TMEM38B: variants seen among roughly 807,000 people sequenced by gnomAD.
The protein encoded by TMEM38B is trimeric intracellular cation channel type B.
Under a neutral mutation model 28.7 loss-of-function variants are expected in TMEM38B, and 24 were observed. The ratio of observed to expected loss-of-function variants is 0.84; its 90% CI spans 0.61 to 1.18. The LOEUF is 1.18. Ranked by LOEUF, TMEM38B falls within the 50% of genes most tolerant of loss-of-function variation. The probability of loss-of-function intolerance (pLI) is 0.00; values close to 1 mark genes in which losing one functional copy is unlikely to be tolerated. For synonymous variants in TMEM38B, 131 were observed against 127.7 expected (o/e 1.03, Z -0.17); for missense variants, 380 against 350.9 (o/e 1.08, Z -0.66).
In TMEM38B at chr9:105,715,525, T is replaced by C. The variant is rs188045355; in HGVS notation, c.270-6012T>C. Among the ~76,000 whole-genome samples, 32 of 152,182 alleles carry C rather than the reference T, an allele frequency of 2.1e-4. No homozygotes were observed. The East Asian group carries it at 5.6e-3, about 27-fold the overall frequency. ...ATTGGTTAAGAACTCTTATTATTGG[T>C]ATATTGGCTCTTCTTTGCCTTTCTT... On this transcript the variant is annotated intron_variant, in intron 2 of 5. Transcript: ENST00000374692.
intron 4 of TMEM38B, among the ~76,000 whole-genome samples, chr9:105,731,358 A>G (rs1836739846): frequency 6.6e-6 from 1 of 151,950 alleles, no homozygotes; most frequent in Non-Finnish European, 1.5e-5. Flanking sequence ...CACAAAGTGC[A>G]GGTTTGTTAC....
chr9:105,735,875 A>T (rs1836954246), intron 4 of TMEM38B, among the ~76,000 whole-genome samples: 1 of 151,972 alleles, frequency 6.6e-6, no homozygotes, highest in Admixed American at 6.6e-5. Context: ...TATTAAAAAA[A>T]ATTTTTTTAG....
intron 2 of TMEM38B, among the ~76,000 whole-genome samples, chr9:105,709,488 A>G (rs1041446416): frequency 6.6e-6 from 1 of 152,206 alleles, no homozygotes; most frequent in African/African-American, 2.4e-5. Context: ...AAACAAGACA[A>G]TTAGGCCATA....
chr9:105,711,890 T>G (rs1157701651), intron 2 of TMEM38B, among the ~76,000 whole-genome samples: 2 of 152,058 alleles, frequency 1.3e-5, no homozygotes, highest in African/African-American at 4.8e-5. Flanking sequence ...AGAAGTCCTT[T>G]TTGTGTGTCC....
intron 3 of TMEM38B, among the ~76,000 whole-genome samples, 195 bp downstream of exon 3, chr9:105,721,916 C>A (rs1836334481): frequency 6.6e-6 from 1 of 152,040 alleles, no homozygotes; most frequent in South Asian, 2.1e-4. Context: ...TTATTTTGAG[C>A]CTGAGTGTCT....
chr9:105,760,538 C>T, intron 5 of TMEM38B: 1 of 744,434 alleles, frequency 1.3e-6, no homozygotes, highest in Non-Finnish European at 2.4e-6. Context: ...TCTCAAGCTG[C>T]AGTTACAGAA....
chr9:105,759,022 T>C, intron 5 of TMEM38B: 1 of 913,038 alleles, frequency 1.1e-6, no homozygotes, highest in Non-Finnish European at 1.9e-6. Context: ...AAACATGGAG[T>C]AGTTACACTA....
intron 5 of TMEM38B, among the ~76,000 whole-genome samples, chr9:105,770,688 G>T (rs12342953): frequency 6.6e-6 from 1 of 151,916 alleles, no homozygotes; most frequent in Non-Finnish European, 1.5e-5. Context: ...GCCATGTGCC[G>T]TTAGGGATTC....
chr9:105,760,552 A>G, intron 5 of TMEM38B: 1 of 743,554 alleles, frequency 1.3e-6, no homozygotes, highest in Non-Finnish European at 2.4e-6. Context: ...TACAGAACTT[A>G]TAGAAAATGT....
At chr9:105,750,012 A>G (rs1218922512) in intron 5 of TMEM38B, among the ~76,000 whole-genome samples, 5 of 152,202 alleles carry the variant, frequency 3.3e-5, no homozygotes, top group African/African-American at 1.2e-4. Context: ...ATTTCACCAC[A>G]CCATTACTAG....
At chr9:105,696,364 C>A (rs1835289138) in intron 1 of TMEM38B, among the ~76,000 whole-genome samples, 1 of 152,152 alleles carries the variant, frequency 6.6e-6, no homozygotes, top group Non-Finnish European at 1.5e-5. Context: ...CGGCTCAGTG[C>A]TGCAACCTGT....
At chr9:105,734,900 A>G (rs535705944) in intron 4 of TMEM38B, among the ~76,000 whole-genome samples, 5 of 147,370 alleles carry the variant, frequency 3.4e-5, no homozygotes, top group African/African-American at 7.5e-5. Flanking sequence ...ACCATTATAT[A>G]TCTTTTTTAG....
intron 4 of TMEM38B, among the ~76,000 whole-genome samples, chr9:105,744,937 A>G (rs1588446430): frequency 6.6e-6 from 1 of 152,278 alleles, no homozygotes; most frequent in East Asian, 1.9e-4. Context: ...TTATGGCTGC[A>G]TAGTATTCCA....
At chr9:105,698,232 CT>C (rs1246504879) in intron 1 of TMEM38B, among the ~76,000 whole-genome samples, 1 of 151,702 alleles carries the variant, frequency 6.6e-6, no homozygotes. Flanking sequence ...TTTCTAGCCT[CT>C]TATATATTAA....
At chr9:105,753,028 G>A (rs10978234) in intron 5 of TMEM38B, among the ~76,000 whole-genome samples, 31,917 of 152,008 alleles carry the variant, frequency 0.21, 5,225 homozygotes, top group East Asian at 0.47. Flanking sequence ...ATGCAATCAC[G>A]AGTATCAACA....
intron 5 of TMEM38B, among the ~76,000 whole-genome samples, chr9:105,755,155 C>T (rs1837792051): frequency 6.6e-6 from 1 of 152,088 alleles, no homozygotes; most frequent in African/African-American, 2.4e-5. Flanking sequence ...ACATAGCCTA[C>T]CAACCAAAAA....
intron 5 of TMEM38B, among the ~76,000 whole-genome samples, chr9:105,761,571 A>G (rs1186225236): frequency 6.6e-6 from 1 of 152,230 alleles, no homozygotes; most frequent in Non-Finnish European, 1.5e-5. Flanking sequence ...CAAGGGAGAT[A>G]CACCTATCAG....
chr9:105,768,253 A>G (rs1826440558), intron 5 of TMEM38B, among the ~76,000 whole-genome samples: 1 of 152,160 alleles, frequency 6.6e-6, no homozygotes, highest in Admixed American at 6.5e-5. Flanking sequence ...AAAATGTTAC[A>G]TAAATCTTTC....
chr9:105,700,363 G>A (rs558115983), intron 1 of TMEM38B, among the ~76,000 whole-genome samples: 2 of 152,232 alleles, frequency 1.3e-5, no homozygotes, highest in African/African-American at 4.8e-5. Flanking sequence ...GAACATTTCA[G>A]TATGTTAATT....
Sources: gnomAD v4.1 joint callset for allele counts (sites outside exome capture counted in the v4.1 genomes callset) on GRCh38, gnomAD v4.1.1 for gene constraint, MANE v1.5 for transcripts, NCBI Gene and HGNC (gene_info 2026-07-23, HGNC 2026-07-21) for gene names.